GNG2: variants seen among roughly 807,000 people sequenced by gnomAD.
The protein encoded by GNG2 is guanine nucleotide-binding protein G(I)/G(S)/G(O) subunit gamma-2.
In GNG2, 5 loss-of-function variants were observed where a neutral mutation model predicts 5.5. The ratio of observed to expected loss-of-function variants is 0.91; its 90% confidence interval spans 0.48 to 1.92. The LOEUF is 1.92. GNG2 is among the 30% of genes most tolerant of loss of function. The pLI is 0.01. For missense variants in GNG2, 55 were observed against 88.4 expected, an observed-to-expected ratio of 0.62 and a Z score of 1.52; for synonymous variants, 28 against 32.0, an observed-to-expected ratio of 0.88 and a Z score of 0.42.
intron 2 of GNG2, among the ~76,000 whole-genome samples, chr14:51,887,601 G>C (rs181810585): frequency 6.8e-4 from 104 of 152,292 alleles, no homozygotes; most frequent in African/African-American, 2.4e-3. Context: ...CCTGACTTGG[G>C]AAGTTCTGGG....
At position 51,916,368 on chromosome 14, in the gene GNG2, G is replaced by A. The variant is rs373754674; in HGVS notation, c.-29-34282G>A. ...ATGGAGTAGTTGAGAATAGTGCACC[G>A]TTGGCAGAATATGGTGGGAAAACGT... is the stretch of plus-strand genomic sequence containing the variant. On this transcript the variant is annotated intron_variant, in intron 2 of 3. Transcript: ENST00000556766. 6.4e-5 allele frequency: 27 copies of A among 423,192 alleles called. No homozygotes were observed. In the East Asian group the frequency reaches 9.2e-4, roughly 14 times the overall value. The allele number at this position is 423,192 out of a possible 1,614,324, so 26.2% of individuals were successfully genotyped here. A position where few individuals can be genotyped will look rare whatever the true frequency, so the allele number is the denominator to read the frequency against.
At chr14:51,909,012 A>G (rs532240986) in intron 2 of GNG2, among the ~76,000 whole-genome samples, 2 of 152,124 alleles carry the variant, frequency 1.3e-5, no homozygotes, top group East Asian at 3.9e-4. Context: ...TTCTTATATA[A>G]CCATAGTTAT....
At chr14:51,879,755 G>T (rs1380754491) in intron 2 of GNG2, among the ~76,000 whole-genome samples, 1 of 152,148 alleles carries the variant, frequency 6.6e-6, no homozygotes, top group Non-Finnish European at 1.5e-5. Flanking sequence ...TTAAGTATCT[G>T]TGTGATAAGA....
intron 2 of GNG2, among the ~76,000 whole-genome samples, chr14:51,946,207 C>T (rs1342119391): frequency 1.3e-5 from 2 of 152,116 alleles, no homozygotes; most frequent in African/African-American, 4.8e-5. Context: ...TATGATCCAG[C>T]AACATAGTAT....
At chr14:51,953,422 A>G (rs554742937) in intron 3 of GNG2, among the ~76,000 whole-genome samples, 3 of 152,322 alleles carry the variant, frequency 2.0e-5, no homozygotes, top group African/African-American at 7.2e-5. Flanking sequence ...TAGTTACCAA[A>G]TGTGATCAGA....
chr14:51,930,817 G>A (rs1337528252), intron 2 of GNG2, among the ~76,000 whole-genome samples: 1 of 152,170 alleles, frequency 6.6e-6, no homozygotes, highest in African/African-American at 2.4e-5. Flanking sequence ...TGAAGGGGGA[G>A]CAGGCCCATC....
At chr14:51,841,617 TA>T in intron 2 of GNG2, 1 of 680,204 alleles carries the variant, frequency 1.5e-6, no homozygotes, top group Non-Finnish European at 2.6e-6. Context: ...ACAGAACCAT[TA>T]AAAGGAAAGA....
At chr14:51,953,930 A>G (rs927589294) in intron 3 of GNG2, among the ~76,000 whole-genome samples, 4 of 152,166 alleles carry the variant, frequency 2.6e-5, no homozygotes, top group Admixed American at 6.5e-5. Context: ...ATGGCTTTAT[A>G]TACGTCTGGC....
intron 3 of GNG2, chr14:51,952,069 G>A: frequency 3.3e-6 from 2 of 602,486 alleles, no homozygotes; most frequent in Non-Finnish European, 5.9e-6. Context: ...TCATTCCGAT[G>A]TATAGCCAAG....
At chr14:51,920,665 G>A (rs867874224) in intron 2 of GNG2, among the ~76,000 whole-genome samples, 1 of 152,198 alleles carries the variant, frequency 6.6e-6, no homozygotes, top group African/African-American at 2.4e-5. Flanking sequence ...GAGCATCGGA[G>A]ATTTTGAGCT....
intron 2 of GNG2, among the ~76,000 whole-genome samples, chr14:51,829,818 C>T (rs970499701): frequency 1.3e-5 from 2 of 150,840 alleles, no homozygotes; most frequent in Non-Finnish European, 2.9e-5. Context: ...TTGACCTATG[C>T]TCCTAGTTGA....
Position 51,948,336 on chromosome 14 carries a change from C to T in GNG2, c.-29-2314C>T, listed in dbSNP as rs150574977. ...TCTCTGCCACAGGTCACCCTGTAAT[C>T]TGGTGTAGATTCAGGGCAGAAGAGT... On this transcript the variant is annotated intron_variant, in intron 2 of 3. Coordinates refer to ENST00000556766, the MANE Select transcript of GNG2 (RefSeq NM_053064.5). Among the ~76,000 whole-genome samples, 6 of 152,330 alleles carry T rather than the reference C, an allele frequency of 3.9e-5. No individual in the cohort carries two copies. In the East Asian group the frequency reaches 1.2e-3, roughly 29 times the overall value.
intron 2 of GNG2, among the ~76,000 whole-genome samples, chr14:51,922,126 T>C (rs1887049826): frequency 1.3e-5 from 2 of 152,214 alleles, no homozygotes; most frequent in Non-Finnish European, 1.5e-5. Context: ...GTTTGTGTAA[T>C]CTTCTGACAG....
upstream of GNG2, among the ~76,000 whole-genome samples, chr14:51,855,476 T>A (rs937616524): frequency 6.6e-6 from 1 of 152,244 alleles, no homozygotes; most frequent in Admixed American, 6.5e-5. Flanking sequence ...GACACACAGA[T>A]CAGATCATGA....
chr14:51,836,874 T>TTTTA (rs1881345217), intron 2 of GNG2, among the ~76,000 whole-genome samples: 1 of 125,012 alleles, frequency 8.0e-6, no homozygotes, highest in Admixed American at 8.1e-5. Flanking sequence ...TTTTTTTTTT[T>TTTTA]TGAGACAGAG....
chr14:51,948,870 G>A (rs919098384), intron 2 of GNG2, among the ~76,000 whole-genome samples: 7 of 151,880 alleles, frequency 4.6e-5, no homozygotes, highest in African/African-American at 9.7e-5. Context: ...GCCTGTAATC[G>A]CAGCACTTTG....
intron 1 of GNG2, among the ~76,000 whole-genome samples, chr14:51,867,185 G>A (rs1219231795): frequency 1.3e-5 from 2 of 152,136 alleles, no homozygotes; most frequent in African/African-American, 4.8e-5. Context: ...CAAGATACGA[G>A]TCTTTGGCCA....
intron 3 of GNG2, 24 bp downstream of exon 3, chr14:51,950,789 T>A: frequency 6.9e-7 from 1 of 1,457,434 alleles, no homozygotes; most frequent in Non-Finnish European, 9.4e-7. Flanking sequence ...AACCCCACAC[T>A]TCATCTAGCG....
chr14:51,887,630 A>C (rs1884557238), intron 2 of GNG2, among the ~76,000 whole-genome samples: 2 of 152,206 alleles, frequency 1.3e-5, no homozygotes, highest in Admixed American at 1.3e-4. Context: ...GGTCTATAAT[A>C]GGAGCAGTGA....
Sources: gnomAD v4.1 joint callset for allele counts (sites outside exome capture counted in the v4.1 genomes callset) on GRCh38, gnomAD v4.1.1 for gene constraint, MANE v1.5 for transcripts, NCBI Gene and HGNC (gene_info 2026-07-23, HGNC 2026-07-21) for gene names.